ROBO1: variants seen among roughly 807,000 people sequenced by gnomAD.
ROBO1 encodes the protein roundabout guidance receptor 1.
In ROBO1, 149 loss-of-function variants were observed where a neutral mutation model predicts 195.9. The ratio of observed to expected loss-of-function variants is 0.76; its 90% CI spans 0.67 to 0.87. The LOEUF is 0.87. ROBO1 is among the 40% of genes least tolerant of loss of function. ROBO1 has a pLI of 0.00. For missense variants in ROBO1, 1,933 were observed against 2,068.3 expected (o/e 0.93, Z 1.27); for synonymous variants, 816 against 733.2 (o/e 1.11, Z -1.82).
At chr3:79,674,213 A>G (rs1360371014) in intron 1 of ROBO1, among the ~76,000 whole-genome samples, 2 of 152,062 alleles carry the variant, frequency 1.3e-5, no homozygotes, top group Admixed American at 1.3e-4. Context: ...GAACTTGGGT[A>G]GATTATTTAA....
intron 1 of ROBO1, among the ~76,000 whole-genome samples, chr3:79,668,339 GTT>G (rs539890728): frequency 1.4e-5 from 2 of 148,128 alleles, no homozygotes; most frequent in African/African-American, 2.5e-5. Context: ...AAAACATGGT[GTT>G]TTTTTTTGTT....
chr3:78,722,078 A>G (rs1354834772), intron 5 of ROBO1, among the ~76,000 whole-genome samples: 1 of 152,182 alleles, frequency 6.6e-6, no homozygotes, highest in Non-Finnish European at 1.5e-5. Context: ...CCCTATTACT[A>G]TAGCTCCAAT....
At chr3:79,030,340 C>G (rs1158934683) in intron 3 of ROBO1, among the ~76,000 whole-genome samples, 2 of 152,190 alleles carry the variant, frequency 1.3e-5, no homozygotes, top group Non-Finnish European at 2.9e-5. Context: ...TACTGCTAAA[C>G]ATCTTCCATT....
In ROBO1 at chr3:78,647,573, G is replaced by A. The variant is rs369434510; in HGVS notation, c.2839+56C>T. 1.4e-5 allele frequency: 21 copies of A among 1,502,018 alleles called. No individual in the cohort carries two copies. The African/African-American group carries it at 2.9e-4, about 21-fold the overall frequency. The allele number at this position is 1,502,018 out of a possible 1,614,324, so 93.0% of individuals were successfully genotyped here. ...ATGAAATAAAAACAGAAACACAATA[G>A]TGGAACACATGCCAAACTAACAATG... On this transcript the variant is annotated intron_variant, in intron 20 of 30. Coordinates refer to ENST00000464233, the MANE Select transcript of ROBO1 (RefSeq NM_002941.4).
chr3:79,700,288 C>CGTGT (rs141865243), intron 1 of ROBO1, among the ~76,000 whole-genome samples: 47,028 of 147,362 alleles, frequency 0.32, 9,135 homozygotes, highest in East Asian at 0.51. Context: ...GTGATGAACA[C>CGTGT]GTGTGTGTGT....
intron 1 of ROBO1, among the ~76,000 whole-genome samples, chr3:79,730,012 T>C (rs1313372213): frequency 6.6e-6 from 1 of 152,218 alleles, no homozygotes; most frequent in Admixed American, 6.5e-5. Flanking sequence ...ATTAGAGAGA[T>C]AATTATATTG....
chr3:79,506,088 A>G (rs1482614194), intron 2 of ROBO1, among the ~76,000 whole-genome samples: 2 of 152,150 alleles, frequency 1.3e-5, no homozygotes, highest in Non-Finnish European at 2.9e-5. Context: ...AAGAATCTGC[A>G]TTTTATTAAA....
chr3:79,330,131 A>T (rs2034372972), intron 2 of ROBO1, among the ~76,000 whole-genome samples: 1 of 151,678 alleles, frequency 6.6e-6, no homozygotes, highest in South Asian at 2.1e-4. Context: ...TCACTGTGGA[A>T]TATCTTTCTA....
intron 2 of ROBO1, among the ~76,000 whole-genome samples, chr3:79,222,895 T>C (rs2082165444): frequency 6.6e-6 from 1 of 152,170 alleles, no homozygotes; most frequent in South Asian, 2.1e-4. Context: ...GATAGGATTT[T>C]CTAAGCCTTA....
At chr3:79,684,918 C>T (rs1263884995) in intron 1 of ROBO1, among the ~76,000 whole-genome samples, 2 of 152,056 alleles carry the variant, frequency 1.3e-5, no homozygotes, top group Non-Finnish European at 2.9e-5. Flanking sequence ...TCAGGCAATC[C>T]TCCTGCCTCA....
chr3:79,371,416 G>A (rs532489272), intron 2 of ROBO1, among the ~76,000 whole-genome samples: 5 of 152,212 alleles, frequency 3.3e-5, no homozygotes, highest in South Asian at 2.1e-4. Flanking sequence ...TTTAGAAACC[G>A]GTAAAAGAAA....
At chr3:78,681,808 A>C (rs572332648) in intron 10 of ROBO1, among the ~76,000 whole-genome samples, 27 of 152,270 alleles carry the variant, frequency 1.8e-4, no homozygotes, top group African/African-American at 6.0e-4. Context: ...AGGCTGAGGC[A>C]GGAGAATGGC....
At chr3:79,679,217 G>T (rs1946872295) in intron 1 of ROBO1, among the ~76,000 whole-genome samples, 2 of 151,988 alleles carry the variant, frequency 1.3e-5, no homozygotes, top group African/African-American at 4.8e-5. Flanking sequence ...AAATAGAAGA[G>T]TAGAGAAATG....
rs2107408806 is a variant in ROBO1, at chr3:79,739,327, T to A, written c.-51+28425A>T. On this transcript the variant is annotated intron_variant, in intron 1 of 30. Coordinates refer to ENST00000464233, the MANE Select transcript of ROBO1 (RefSeq NM_002941.4). ...ACCAAAATGATATCTGGAAAATGTT[T>A]AAAGATTGATCATAGAGACAAAGGG... Among the ~76,000 whole-genome samples the A allele has an allele frequency of 2.0e-5, 3 of 152,254 alleles. 1 individual carries two copies. Among genetic ancestry groups the A allele is most frequent in the Admixed American group, 2.0e-4 (3 of 15,290 alleles).
intron 2 of ROBO1, among the ~76,000 whole-genome samples, chr3:79,371,149 G>T (rs2036178840): frequency 6.6e-6 from 1 of 152,200 alleles, no homozygotes; most frequent in African/African-American, 2.4e-5. Flanking sequence ...ATAAACATAT[G>T]TGTGCGTGTG....
At chr3:79,484,755 C>CTTTTATTTTTTTTTTTTTTTTT (rs1939062171) in intron 2 of ROBO1, among the ~76,000 whole-genome samples, 1 of 66,884 alleles carries the variant, frequency 1.5e-5, no homozygotes, top group African/African-American at 5.6e-5. Flanking sequence ...ATTGCACTAT[C>CTTTTATTTTTTTTTTTTTTTTT]TTTTTTTTTT....
intron 1 of ROBO1, among the ~76,000 whole-genome samples, chr3:79,686,826 C>A (rs920552036): frequency 5.3e-5 from 8 of 152,156 alleles, no homozygotes; most frequent in Admixed American, 6.5e-5. Flanking sequence ...CCATCCCCAT[C>A]AAGCTACCAA....
chr3:79,191,385 A>G (rs1450240681), intron 2 of ROBO1, among the ~76,000 whole-genome samples: 3 of 151,478 alleles, frequency 2.0e-5, no homozygotes, highest in Non-Finnish European at 4.4e-5. Context: ...CAGACAATAC[A>G]TACAAGTGAG....
At chr3:79,174,573 A>G (rs1446221009) in intron 2 of ROBO1, among the ~76,000 whole-genome samples, 3 of 152,140 alleles carry the variant, frequency 2.0e-5, no homozygotes, top group Non-Finnish European at 4.4e-5. Context: ...ATAGTCCGTA[A>G]TTGTCAACTA....
Sources: allele counts gnomAD v4.1 joint callset (sites outside exome capture counted in the v4.1 genomes callset), GRCh38; gene constraint gnomAD v4.1.1; transcripts MANE v1.5; gene names NCBI Gene and HGNC (gene_info 2026-07-23, HGNC 2026-07-21).